PDE4D: variants seen among roughly 807,000 people sequenced by gnomAD.
PDE4D encodes the protein phosphodiesterase 4D.
Under a neutral mutation model 87.4 loss-of-function variants are expected in PDE4D, and 24 were observed. The ratio of observed to expected loss-of-function variants is 0.27; its 90% CI spans 0.20 to 0.39. The LOEUF is 0.39. Among genes scored for constraint, PDE4D ranks in the 10% least tolerant of loss-of-function variants. PDE4D has a pLI of 1.00. For synonymous variants in PDE4D, 384 were observed against 383.2 expected, an observed-to-expected ratio of 1.00 and a Z score of -0.02; for missense variants, 714 against 1,041.0, an observed-to-expected ratio of 0.69 and a Z score of 4.32.
At position 60,286,976 on chromosome 5, in the gene PDE4D, G is replaced by A. The variant is rs927633616; in HGVS notation, c.-89-101289C>T. Among the ~76,000 whole-genome samples, 4 of 152,296 alleles carry A rather than the reference G, an allele frequency of 2.6e-5. No individual in the cohort carries two copies. In the East Asian group the frequency reaches 7.7e-4, roughly 29 times the overall value. ...GTATGAAAGGTATGGCTTCAACACA[G>A]TATTAACTACTGTTGGCCTCTGCCA... is the stretch of plus-strand genomic sequence containing the variant. On this transcript the variant is annotated intron_variant, in intron 1 of 16. Transcript: ENST00000502484.
chr5:60,459,111 A>C (rs1746721251), intron 1 of PDE4D, among the ~76,000 whole-genome samples: 1 of 152,182 alleles, frequency 6.6e-6, no homozygotes, highest in East Asian at 1.9e-4. Flanking sequence ...ACAAAAAGAA[A>C]ACTTAAAAAT....
intron 1 of PDE4D, among the ~76,000 whole-genome samples, chr5:60,506,299 T>C (rs1337407499): frequency 6.6e-6 from 1 of 152,250 alleles, no homozygotes; most frequent in Non-Finnish European, 1.5e-5. Flanking sequence ...ACACTCATTC[T>C]CATGCATACC....
At chr5:60,411,353 C>A (rs533882148) in intron 1 of PDE4D, among the ~76,000 whole-genome samples, 2 of 152,222 alleles carry the variant, frequency 1.3e-5, no homozygotes, top group East Asian at 1.9e-4. Flanking sequence ...AAGTATAAAG[C>A]AAACTTATGT....
intron 5 of PDE4D, among the ~76,000 whole-genome samples, chr5:59,156,246 A>C (rs1003781211): frequency 6.6e-6 from 1 of 150,868 alleles, no homozygotes; most frequent in Non-Finnish European, 1.5e-5. Flanking sequence ...GGCCAGAGGG[A>C]GAGGTTAGGA....
At chr5:59,061,274 T>C (rs1763074291) in intron 5 of PDE4D, among the ~76,000 whole-genome samples, 2 of 152,114 alleles carry the variant, frequency 1.3e-5, no homozygotes, top group African/African-American at 4.8e-5. Flanking sequence ...GTTTATCAAA[T>C]GACATATTGC....
intron 1 of PDE4D, chr5:59,430,224 A>G (rs757069728): frequency 3.3e-6 from 4 of 1,215,116 alleles, no homozygotes; most frequent in Non-Finnish European, 4.1e-6. Flanking sequence ...GCAGACATCC[A>G]AAGCAGTTAC....
At chr5:59,367,400 A>G (rs1188044348) in intron 1 of PDE4D, among the ~76,000 whole-genome samples, 4 of 152,188 alleles carry the variant, frequency 2.6e-5, no homozygotes, top group Admixed American at 2.6e-4. Flanking sequence ...TATTTTCCAT[A>G]ATGTTTATAT....
chr5:59,793,608 C>A (rs1766073451), intron 1 of PDE4D, among the ~76,000 whole-genome samples: 1 of 152,176 alleles, frequency 6.6e-6, no homozygotes, highest in Admixed American at 6.5e-5. Context: ...GATGAAGATT[C>A]ATTCATAATG....
chr5:60,492,717 G>T (rs141318787), upstream of PDE4D, among the ~76,000 whole-genome samples: 451 of 152,148 alleles, frequency 3.0e-3, 3 homozygotes, highest in Middle Eastern at 6.8e-3. Flanking sequence ...ACAGGGCAGG[G>T]AACATCACAC....
chr5:59,064,766 CT>C (rs1487896815), intron 5 of PDE4D, among the ~76,000 whole-genome samples: 2 of 152,004 alleles, frequency 1.3e-5, no homozygotes, highest in African/African-American at 4.8e-5. Flanking sequence ...TAATAATCCC[CT>C]CTCCAACTTT....
intron 2 of PDE4D, among the ~76,000 whole-genome samples, chr5:59,202,637 T>C (rs911147697): frequency 6.6e-6 from 1 of 152,126 alleles, no homozygotes; most frequent in Non-Finnish European, 1.5e-5. Context: ...ATGACTGAAT[T>C]AGGGGGTCTG....
intron 1 of PDE4D, among the ~76,000 whole-genome samples, chr5:59,610,772 A>T (rs1039947875): frequency 6.6e-6 from 1 of 152,174 alleles, no homozygotes; most frequent in African/African-American, 2.4e-5. Flanking sequence ...AGACTACATG[A>T]GGTTTTGAGT....
chr5:59,837,026 A>G (rs533679586), intron 1 of PDE4D, among the ~76,000 whole-genome samples: 14 of 152,006 alleles, frequency 9.2e-5, no homozygotes, highest in Non-Finnish European at 1.5e-4. Flanking sequence ...TTGCTTCTCC[A>G]TGTTACACTT....
chr5:59,731,569 CAA>C (rs11366341), intron 1 of PDE4D, among the ~76,000 whole-genome samples: 2 of 152,164 alleles, frequency 1.3e-5, no homozygotes, highest in African/African-American at 2.4e-5. Flanking sequence ...TTTAAACTGA[CAA>C]AAAAAGACTT....
At chr5:60,080,071 C>A (rs998799950) in intron 2 of PDE4D, among the ~76,000 whole-genome samples, 8 of 152,134 alleles carry the variant, frequency 5.3e-5, no homozygotes, top group African/African-American at 1.9e-4. Flanking sequence ...GCTTATAGTT[C>A]TCCTTGAAGA....
intron 1 of PDE4D, among the ~76,000 whole-genome samples, chr5:59,872,018 C>CCCACCTCT (rs1191187563): frequency 1.3e-5 from 2 of 152,008 alleles, no homozygotes; most frequent in African/African-American, 2.4e-5. Context: ...TCATAGATTC[C>CCCACCTCT]CCACCTCAAC....
chr5:60,140,186 A>C (rs576313118), intron 2 of PDE4D, among the ~76,000 whole-genome samples: 2 of 152,236 alleles, frequency 1.3e-5, no homozygotes, highest in Non-Finnish European at 2.9e-5. Flanking sequence ...TTCTTTAATC[A>C]AAGTGCATAT....
At chr5:60,420,765 G>A (rs37706) in intron 1 of PDE4D, among the ~76,000 whole-genome samples, 15,978 of 152,240 alleles carry the variant, frequency 0.1, 1,348 homozygotes, top group East Asian at 0.39. Flanking sequence ...CCTGGGAAGT[G>A]CAAGGGGTTG....
chr5:59,029,416 C>CAA (rs34120574), intron 6 of PDE4D, among the ~76,000 whole-genome samples: 9,724 of 86,882 alleles, frequency 0.11, 1,056 homozygotes, highest in South Asian at 0.2. Context: ...GACTCCATCA[C>CAA]AAAAAAAAAA....
Sources: allele counts gnomAD v4.1 joint callset (sites outside exome capture counted in the v4.1 genomes callset), GRCh38; gene constraint gnomAD v4.1.1; transcripts MANE v1.5; gene names NCBI Gene and HGNC (gene_info 2026-07-23, HGNC 2026-07-21).